The following ZNF394 variants were observed in gnomAD, a reference collection of about 807,000 sequenced individuals.
ZNF394 encodes zinc finger protein 99.
ZNF394 carries 19 observed loss-of-function variants against 21.8 expected under a neutral mutation model. That is an observed-to-expected ratio of 0.87 (90% confidence interval 0.61 to 1.28). The LOEUF is 1.28. Among genes scored for constraint, ZNF394 ranks in the 50% most tolerant of loss-of-function variants. ZNF394 has a pLI of 0.00. For missense variants in ZNF394, 683 were observed against 708.6 expected (o/e 0.96, Z 0.41); for synonymous variants, 294 against 273.3 (o/e 1.08, Z -0.75).
Position 99,487,314 on chromosome 7 carries a change from C to T in ZNF394, n.84-351G>A, listed in dbSNP as rs1275697458. The T allele has an allele frequency of 1.9e-6, 3 of 1,614,192 alleles. No homozygotes were observed. The Admixed American group carries it at 5.0e-5, about 27-fold the overall frequency. On this transcript the variant is annotated intron_variant and non_coding_transcript_variant, in intron 1 of 1. Transcript: ENST00000462024. ...AAAGAATCCATACAAAGGAGGAATT[C>T]TTTCAATGTGGAGAATGTGGGAAAA...
At chr7:99,490,863 TAGAG>T (rs1018453889), downstream of ZNF394, among the ~76,000 whole-genome samples, 2 of 151,782 alleles carry the variant, frequency 1.3e-5, no homozygotes, top group Non-Finnish European at 2.9e-5. Context: ...GCTTCAAACT[TAGAG>T]GGAGGTGTAG....
chr7:99,487,293 A>G (rs1480452817), intron 1 of ZNF394: 1 of 1,614,254 alleles, frequency 6.2e-7, no homozygotes, highest in Non-Finnish European at 8.5e-7. Flanking sequence ...AGCATCAAAG[A>G]ATCCATACAA....
At chr7:99,498,666 C>T (rs758010572) in intron 2 of ZNF394, 50 bp downstream of exon 2, 1 of 1,611,214 alleles carries the variant, frequency 6.2e-7, no homozygotes, top group South Asian at 1.1e-5. Context: ...AGTGAACCAG[C>T]CCTTCACAAA....
In ZNF394 at chr7:99,493,750, TGTG is replaced by T. The variant is rs1800216906; in HGVS notation, c.1462_1464del (p.His488del). Reference sequence around the variant, plus strand: ...TAGGGCTTCTCCCCAGTGTGGATTCTGTGGTGTTTAAAGAGGTCAGAGCGCTGT... The same window carrying T: ...TAGGGCTTCTCCCCAGTGTGGATTCTGTGTTTAAAGAGGTCAGAGCGCTGT... On this transcript the variant is annotated inframe_deletion, in exon 3 of 3. Transcript: ENST00000337673. 6.2e-7 allele frequency: 1 copy of T among 1,614,098 alleles called. No homozygotes were observed. The highest frequency in any genetic ancestry group is 8.5e-7 in the Non-Finnish European group (1 of 1,180,038).
chr7:99,498,500 TTA>T, intron 2 of ZNF394: 1 of 505,956 alleles, frequency 2.0e-6, no homozygotes. Context: ...TATCTTTTTT[TTA>T]TATAGTTTTC....
chr7:99,498,682 C>T (rs1188901083), intron 2 of ZNF394, 34 bp downstream of exon 2: 4 of 1,613,294 alleles, frequency 2.5e-6, no homozygotes, highest in Non-Finnish European at 3.4e-6. Context: ...ACAAACCACA[C>T]ACCGCAATAA....
At chr7:99,487,535 T>G (rs372727795) in intron 1 of ZNF394, 3 of 1,554,714 alleles carry the variant, frequency 1.9e-6, no homozygotes, top group Non-Finnish European at 2.6e-6. Flanking sequence ...TATAAACCTC[T>G]ACTTCAAGTG....
At chr7:99,498,969 C>T in intron 1 of ZNF394, 127 bp from the exon 2 acceptor site, 1 of 1,318,146 alleles carries the variant, frequency 7.6e-7, no homozygotes, top group African/African-American at 1.5e-5. Flanking sequence ...CTCTTGTAAT[C>T]CTGAAAAGCC....
chr7:99,497,767 G>T (rs951400757), intron 2 of ZNF394: 1 of 152,100 alleles, frequency 6.6e-6, no homozygotes, highest in African/African-American at 2.4e-5. Flanking sequence ...GGAGACAGAG[G>T]CAGGAGAATT....
At chr7:99,492,639 C>CAA (rs757663157), downstream of ZNF394, among the ~76,000 whole-genome samples, 7 of 50,440 alleles carry the variant, frequency 1.4e-4, no homozygotes, top group African/African-American at 1.3e-4. Context: ...GACTCCATCT[C>CAA]AAAAAAAAAA....
In ZNF394 at chr7:99,493,975, A is replaced by G. The variant is rs768073512; in HGVS notation, c.1240T>C (p.Tyr414His). Residue 414 changes from tyrosine to histidine, a missense_variant, in exon 3 of 3, where the codon TAC becomes CAC. By Grantham distance (83) the Tyr-to-His change is moderately conservative (BLOSUM62 2). Around this residue, in one of 3 missense-constraint regions of ZNF394, gnomAD observed 274 missense variants for 314.1 expected, o/e 0.87. Coordinates refer to ENST00000337673, the MANE Select transcript of ZNF394 (RefSeq NM_032164.4). ...HQRTHTGEKP[Y>H]TCLKCGERFR... is the part of the protein sequence containing the mutation. ...CGCTCCCCACATTTCAGACAGGTGT[A>G]CGGCTTCTCGCCTGTGTGTGTCCTC... 1 of 1,614,196 alleles carries G rather than the reference A, an allele frequency of 6.2e-7. No individual in the cohort carries two copies. Among genetic ancestry groups the G allele is most frequent in the South Asian group, 1.1e-5 (1 of 91,086 alleles).
At chr7:99,493,174 T>C (rs1177161054), downstream of ZNF394, 3 of 1,030,528 alleles carry the variant, frequency 2.9e-6, no homozygotes, top group Non-Finnish European at 3.5e-6. Context: ...CATAATTGAC[T>C]GATATACTCC....
Position 99,498,726 on chromosome 7 carries a change from T to C in ZNF394, c.573A>G (p.Thr191=), listed in dbSNP as rs999489438. 4 of 1,613,934 alleles carry C rather than the reference T, an allele frequency of 2.5e-6. No homozygotes were observed. The highest frequency in any genetic ancestry group is 3.4e-6 in the Non-Finnish European group (4 of 1,179,978). ...RESAQKDSGS[T]VPPSLESRVE... ...AGCAACAGCACTCACTCGGCGGAACTGTGCTCCCGGAATCCTTCTGCGCAC... is the reference window on the plus strand; with the variant it reads ...AGCAACAGCACTCACTCGGCGGAACCGTGCTCCCGGAATCCTTCTGCGCAC... Residue 191 remains threonine, a synonymous_variant, in exon 2 of 3, where the codon ACA becomes ACG. Coordinates refer to ENST00000337673, the MANE Select transcript of ZNF394 (RefSeq NM_032164.4).
At chr7:99,486,994 T>C (rs1562889107) in intron 1 of ZNF394, 9 of 1,614,164 alleles carry the variant, frequency 5.6e-6, no homozygotes, top group Non-Finnish European at 7.6e-6. Flanking sequence ...ATGTCATGAC[T>C]GTGGAAAGTG....
At position 99,487,533 on chromosome 7, in the gene ZNF394, T is replaced by C. The variant is rs78778842; in HGVS notation, n.84-570A>G. 2.9e-3 allele frequency: 4,478 copies of C among 1,560,492 alleles called. 15 individuals carry two copies. Among genetic ancestry groups the C allele is most frequent in the Non-Finnish European group, 3.5e-3 (4,084 of 1,153,562 alleles). ...ATTGGAGAACTAGAACTTATAAACCTCTACTTCAAGTGTGTATCACGTAAT... is the reference window on the plus strand; with the variant it reads ...ATTGGAGAACTAGAACTTATAAACCCCTACTTCAAGTGTGTATCACGTAAT... On this transcript the variant is annotated intron_variant and non_coding_transcript_variant, in intron 1 of 1. Transcript: ENST00000462024.
chr7:99,499,966 T>G lies in ZNF394; in HGVS notation c.128A>C (p.Glu43Ala), dbSNP rs1163832792. 9.9e-6 allele frequency: 16 copies of G among 1,613,540 alleles called. No homozygotes were observed. Among genetic ancestry groups the G allele is most frequent in the Non-Finnish European group, 1.4e-5 (16 of 1,180,024 alleles). Residue 43 changes from glutamate (E) to alanine (A), a missense_variant, in exon 1 of 3, where the codon GAA (glutamate) becomes GCA (alanine). Glu to Ala is a moderately radical substitution (Grantham distance 107). Transcript: ENST00000337673. ...GGGCTCCCAACTTCCGGGTGAGTCTTCCTCCACTTTCACGGGCAAAAGTCC... is the reference window on the plus strand; with the variant it reads ...GGGCTCCCAACTTCCGGGTGAGTCTGCCTCCACTTTCACGGGCAAAAGTCC... ...RDGLLPVKVE[E>A]DSPGSWEPNY... is the part of the protein sequence containing the mutation.
In ZNF394 at chr7:99,494,195, G is replaced by A. The variant is rs1398074395; in HGVS notation, c.1020C>T (p.Phe340=). The change falls in exon 3 of 3, where the codon TTC becomes TTT. Residue 340 remains phenylalanine (F), a synonymous_variant. Coordinates refer to ENST00000337673, the MANE Select transcript of ZNF394 (RefSeq NM_032164.4). ...KPHKSDSGDS[F]HHSSLFETQR... is the part of the protein sequence containing the mutation. The stretch of plus-strand genomic sequence containing the variant: ...GGGTCTCAAAAAGGCTGGAATGATG[G>A]AAACTGTCTCCACTGTCAGACTTGT... 1 of 1,614,246 alleles carries A rather than the reference G, an allele frequency of 6.2e-7. No homozygotes were observed. Among genetic ancestry groups the A allele is most frequent in the Non-Finnish European group, 8.5e-7 (1 of 1,180,052 alleles).
chr7:99,487,051 A>G, intron 1 of ZNF394: 1 of 1,614,144 alleles, frequency 6.2e-7, no homozygotes, highest in Non-Finnish European at 8.5e-7. Flanking sequence ...GATTCACACC[A>G]AAGAAAAACC....
chr7:99,498,694 C>A, intron 2 of ZNF394, 22 bp downstream of exon 2: 3 of 1,613,658 alleles, frequency 1.9e-6, no homozygotes, highest in African/African-American at 1.3e-5. Context: ...CCGCAATAAA[C>A]CAGCAGAGCA....
Sources: allele counts gnomAD v4.1 joint callset (sites outside exome capture counted in the v4.1 genomes callset), GRCh38; gene constraint gnomAD v4.1.1; regional missense constraint gnomAD v4.1.1; transcripts MANE v1.5; gene names NCBI Gene and HGNC (gene_info 2026-07-23, HGNC 2026-07-21).